Variants in FBN3 observed in about 807,000 individuals in gnomAD.
FBN3 encodes fibrillin 3, also known as fibrillin-3.
In FBN3, 234 loss-of-function variants were observed where a neutral mutation model predicts 330.1. The observed-to-expected ratio is 0.71, with a 90% CI of 0.64 to 0.79. The LOEUF is 0.79. FBN3 is among the 30% of genes least tolerant of loss of function. The probability of loss-of-function intolerance (pLI) is 0.00; values close to 1 mark genes in which losing one functional copy is unlikely to be tolerated. For missense variants in FBN3, 3,606 were observed against 3,886.9 expected, an observed-to-expected ratio of 0.93 and a Z score of 1.92; for synonymous variants, 1,458 against 1,517.3, an observed-to-expected ratio of 0.96 and a Z score of 0.91.
chr19:8,116,639 T>TCCACCCCCCCCCCC, intron 29 of FBN3, 35 bp downstream of exon 29: 9 of 1,551,200 alleles, frequency 5.8e-6, no homozygotes, highest in African/African-American at 1.4e-5. Flanking sequence ...CACTGCCTCC[T>TCCACCCCCCCCCCC]CCACCCGCCC....
In FBN3 at chr19:8,088,063, C is replaced by G. The variant is rs769311729; in HGVS notation, c.6493G>C (p.Glu2165Gln). 1.2e-6 allele frequency: 2 copies of G among 1,614,102 alleles called. No homozygotes were observed. Among genetic ancestry groups the G allele is most frequent in the Non-Finnish European group, 1.7e-6 (2 of 1,180,034 alleles). Residue 2165 changes from glutamate (E) to glutamine (Q), a missense_variant, in exon 52 of 64, where the codon GAG becomes CAG. Glu to Gln is a conservative substitution (Grantham distance 29). Coordinates refer to ENST00000600128, the MANE Select transcript of FBN3 (RefSeq NM_032447.5). ...TCCTGGGCAAGCAGAGTTGTACCCT[C>G]GCAGGTCATCATGAGGCCAGGCTCA... The part of the protein sequence containing the change: ...GFEPGLMMTC[E>Q]DIDECSLNPL...
Position 8,148,962 on chromosome 19 carries a change from G to T in FBN3, c.-18+487C>A, listed in dbSNP as rs796073117. On this transcript the variant is annotated intron_variant, in intron 1 of 63. Transcript: ENST00000600128. ...CTCGGGTCGGGTGGGGGAATTAGGT[G>T]GGGGGAGTCTCTGGCCTGATTTGCC... 36 of 153,092 alleles carry T rather than the reference G, an allele frequency of 2.4e-4. No individual in the cohort carries two copies. The South Asian group carries it at 2.9e-3, about 12-fold the overall frequency. 9.5% of individuals were successfully genotyped at this position (153,092 alleles called of 1,614,324 possible).
Position 8,110,950 on chromosome 19 carries a change from GCGCA to G in FBN3, c.4224_4227del (p.Ala1409LysfsTer44). 1 of 1,614,228 alleles carries G rather than the reference GCGCA, an allele frequency of 6.2e-7. No homozygotes were observed. On this transcript the variant is annotated frameshift_variant, in exon 34 of 64. Coordinates refer to ENST00000600128, the MANE Select transcript of FBN3 (RefSeq NM_032447.5). LOFTEE classifies it high-confidence loss of function. The stretch of plus-strand genomic sequence containing the variant: ...CTCCCAAATGCACAGAGGTTCCCTT[GCGCA>G]CACTCGTCCACATCTGCGGGGACCC...
At chr19:8,075,441 C>T in intron 59 of FBN3, 30 bp from the exon 60 acceptor site, 2 of 1,598,324 alleles carry the variant, frequency 1.3e-6, no homozygotes, top group Non-Finnish European at 1.7e-6. Flanking sequence ...GGCAGGGTTG[C>T]CTGCTGGTTA....
chr19:8,091,427 A>G, intron 48 of FBN3, 38 bp downstream of exon 48: 1 of 1,598,798 alleles, frequency 6.3e-7, no homozygotes, highest in South Asian at 1.1e-5. Flanking sequence ...TCCCCGCCCC[A>G]CTTCCCACCC....
In FBN3 at chr19:8,122,060, C is replaced by A. The variant is rs376254085; in HGVS notation, c.3083-674G>T. On this transcript the variant is annotated intron_variant, in intron 24 of 63. Coordinates refer to ENST00000600128, the MANE Select transcript of FBN3 (RefSeq NM_032447.5). ...CACTGAGCCTGGCCTGTTTGTTTTTCACTCAGGCTGGAGTGCAGTGGTGTG... is the reference window on the plus strand; with the variant it reads ...CACTGAGCCTGGCCTGTTTGTTTTTAACTCAGGCTGGAGTGCAGTGGTGTG... 8.5e-5 allele frequency among the ~76,000 whole-genome samples: 13 copies of A among 152,206 alleles called. No individual in the cohort carries two copies. In the East Asian group the frequency reaches 2.3e-3, roughly 27 times the overall value.
At chr19:8,094,210 C>A (rs2082160120) in intron 47 of FBN3, among the ~76,000 whole-genome samples, 1 of 152,208 alleles carries the variant, frequency 6.6e-6, no homozygotes, top group African/African-American at 2.4e-5. Flanking sequence ...GGTGAGACCC[C>A]ACACCCATGT....
At chr19:8,091,833 C>G (rs2082101974) in intron 47 of FBN3, among the ~76,000 whole-genome samples, 1 of 152,204 alleles carries the variant, frequency 6.6e-6, no homozygotes, top group Non-Finnish European at 1.5e-5. Context: ...TGATTGGAGA[C>G]TGAAACTGCA....
At chr19:8,084,003 C>T (rs979351934) in intron 56 of FBN3, among the ~76,000 whole-genome samples, 67 of 151,792 alleles carry the variant, frequency 4.4e-4, no homozygotes, top group Non-Finnish European at 7.2e-4. Flanking sequence ...AGGGTTTCAC[C>T]GTGTCAGCCA....
Position 8,069,564 on chromosome 19 carries a change from C to T in FBN3, c.8088+2484G>A, listed in dbSNP as rs113485003. ...GCTCTTACTGACCCCTGCTGGCAGTCAGTGGGTATTGCAGGCAAAGGCACA... is the reference window on the plus strand; with the variant it reads ...GCTCTTACTGACCCCTGCTGGCAGTTAGTGGGTATTGCAGGCAAAGGCACA... On this transcript the variant is annotated intron_variant, in intron 63 of 63. Transcript: ENST00000600128. Among the ~76,000 whole-genome samples the T allele has an allele frequency of 3.2e-3, 483 of 152,302 alleles. 4 individuals are homozygous for T. The highest frequency in any genetic ancestry group is 0.011 in the African/African-American group (453 of 41,554).
intron 63 of FBN3, among the ~76,000 whole-genome samples, chr19:8,069,154 C>A (rs989046789): frequency 6.6e-6 from 1 of 152,094 alleles, no homozygotes; most frequent in African/African-American, 2.4e-5. Context: ...GCGTAAAGGA[C>A]CAGACAGAAG....
Position 8,096,108 on chromosome 19 carries a change from C to T in FBN3, c.5540-28G>A, listed in dbSNP as rs752953589. 13 of 1,552,358 alleles carry T rather than the reference C, an allele frequency of 8.4e-6. No homozygotes were observed. Among genetic ancestry groups the T allele is most frequent in the Non-Finnish European group, 1.2e-5 (13 of 1,124,256 alleles). On this transcript the variant is annotated intron_variant, in intron 44 of 63. Transcript: ENST00000600128. This position sits in a 1 kb window ranked among gnomAD's most constrained non-coding sequence, Gnocchi z 4.6. Reference sequence around the variant, plus strand: ...GCAGAAGCAAAGCCGAGAGCCCAACCCAGCTCACCCAGGGCATTGGGGAAC... The same window carrying T: ...GCAGAAGCAAAGCCGAGAGCCCAACTCAGCTCACCCAGGGCATTGGGGAAC...
In FBN3 at chr19:8,117,483, A is replaced by G; in HGVS notation, c.3444T>C (p.Pro1148=). Residue 1148 remains proline, a synonymous_variant, in exon 27 of 64, where the codon CCT becomes CCC. Coordinates refer to ENST00000600128, the MANE Select transcript of FBN3 (RefSeq NM_032447.5). ...CSCHAGFQST[P]DRQGCVDINE... is the part of the protein sequence containing the mutation. ...TCTCACCCACGCAGCCCTGGCGGTC[A>G]GGTGTGCTCTGGAAGCCGGCATGGC... is the stretch of plus-strand genomic sequence containing the variant. The G allele has an allele frequency of 1.3e-6, 2 of 1,560,828 alleles. No individual in the cohort carries two copies. The highest frequency in any genetic ancestry group is 1.7e-6 in the Non-Finnish European group (2 of 1,151,970).
intron 47 of FBN3, among the ~76,000 whole-genome samples, chr19:8,092,321 G>A (rs949935193): frequency 6.6e-6 from 1 of 151,956 alleles, no homozygotes; most frequent in Admixed American, 6.6e-5. Flanking sequence ...ATTCACAATC[G>A]CAAAAATCTG....
At chr19:8,075,456 A>C in intron 59 of FBN3, 45 bp from the exon 60 acceptor site, 1 of 1,583,888 alleles carries the variant, frequency 6.3e-7, no homozygotes, top group Non-Finnish European at 8.6e-7. Context: ...TGGTTAAGGA[A>C]CTCGTGTCAG....
intron 13 of FBN3, 25 bp downstream of exon 13, chr19:8,135,936 G>GTCCA: frequency 1.5e-6 from 1 of 668,778 alleles, no homozygotes. Context: ...GGAAGCCCCT[G>GTCCA]CCCACCCGCC....
At position 8,072,212 on chromosome 19, in the gene FBN3, G is replaced by A. The variant is rs374632165; in HGVS notation, c.7938-14C>T. 2.0e-4 allele frequency: 299 copies of A among 1,519,492 alleles called. 2 individuals are homozygous for A. In the African/African-American group the frequency reaches 3.4e-3, roughly 17 times the overall value. 94.1% of individuals were successfully genotyped at this position (1,519,492 alleles called of 1,614,324 possible). On this transcript the variant is annotated splice_polypyrimidine_tract_variant and intron_variant, in intron 62 of 63. Coordinates refer to ENST00000600128, the MANE Select transcript of FBN3 (RefSeq NM_032447.5). ...GAGACACAGTGCCTGGGCCAGGATG[G>A]GCAGGGTGGAGGGGTTTCAGAGGCG...
At position 8,135,942 on chromosome 19, in the gene FBN3, C is replaced by A; in HGVS notation, c.1591+19G>T. On this transcript the variant is annotated intron_variant, in intron 13 of 63. Coordinates refer to ENST00000600128, the MANE Select transcript of FBN3 (RefSeq NM_032447.5). ...GTGGGGCCCGGAAGCCCCTGCCCAC[C>A]CGCCCACCCCCAACTCACCCACACA... The A allele has an allele frequency of 2.1e-6, 1 of 466,754 alleles. No homozygotes were observed. The highest frequency in any genetic ancestry group is 1.7e-5 in the South Asian group (1 of 59,164). 28.9% of individuals were successfully genotyped at this position (466,754 alleles called of 1,614,324 possible).
chr19:8,078,777 T>TTC (rs34147155), intron 59 of FBN3, among the ~76,000 whole-genome samples: 81,230 of 143,934 alleles, frequency 0.56, 24,009 homozygotes, highest in African/African-American at 0.74. Context: ...TGTTCAAATG[T>TTC]TCTCTCTCTC....
Sources: gnomAD v4.1 joint callset for allele counts (sites outside exome capture counted in the v4.1 genomes callset) on GRCh38, gnomAD v4.1.1 for gene constraint, Gnocchi (gnomAD v3.1) non-coding constraint, MANE v1.5 for transcripts, NCBI Gene and HGNC (gene_info 2026-07-23, HGNC 2026-07-21) for gene names.